The following GAL3ST1 variants were observed in gnomAD, a reference collection of about 807,000 sequenced individuals.
GAL3ST1 encodes galactosylceramide sulfotransferase.
In GAL3ST1, 13 loss-of-function variants were observed where a neutral mutation model predicts 25.0. The observed-to-expected ratio is 0.52, with a 90% CI of 0.34 to 0.83. The LOEUF (loss-of-function observed/expected upper bound fraction) is 0.83, where lower values mean the gene tolerates loss of function less well. Ranked by LOEUF, GAL3ST1 falls within the 40% of genes least tolerant of loss-of-function variation. The pLI is 0.02. For missense variants in GAL3ST1, 474 were observed against 613.6 expected, an observed-to-expected ratio of 0.77 and a Z score of 2.40; for synonymous variants, 274 against 277.8, an observed-to-expected ratio of 0.99 and a Z score of 0.14.
At chr22:30,563,353 T>G (rs2086509739) in intron 1 of GAL3ST1, 2 of 152,160 alleles carry the variant, frequency 1.3e-5, no homozygotes, top group South Asian at 4.1e-4. Context: ...TGGTGGCTCA[T>G]GCCTGTAATT....
At chr22:30,573,551 G>A (rs2086835370) in intron 1 of GAL3ST1, among the ~76,000 whole-genome samples, 1 of 152,226 alleles carries the variant, frequency 6.6e-6, no homozygotes, top group Admixed American at 6.5e-5. Context: ...CACCCCGTCA[G>A]TAAAGGAAGA....
intron 1 of GAL3ST1, among the ~76,000 whole-genome samples, chr22:30,564,558 C>T (rs1349509591): frequency 6.6e-6 from 1 of 152,220 alleles, no homozygotes; most frequent in African/African-American, 2.4e-5. Context: ...CCATCTATTC[C>T]TGCCCTTCTA....
intron 1 of GAL3ST1, among the ~76,000 whole-genome samples, chr22:30,561,103 C>T (rs1451888830): frequency 6.6e-6 from 1 of 152,192 alleles, no homozygotes; most frequent in Non-Finnish European, 1.5e-5. Flanking sequence ...CACCACCACA[C>T]TCAAGTAATT....
chr22:30,569,420 A>C (rs2086716658), intron 1 of GAL3ST1, among the ~76,000 whole-genome samples: 1 of 152,052 alleles, frequency 6.6e-6, no homozygotes, highest in African/African-American at 2.4e-5. Context: ...CTGTTGGGTG[A>C]CTGGCTGGCT....
intron 1 of GAL3ST1, among the ~76,000 whole-genome samples, chr22:30,561,655 G>C (rs1569002965): frequency 6.6e-6 from 1 of 152,306 alleles, no homozygotes; most frequent in East Asian, 1.9e-4. Flanking sequence ...AGGAGGGAAA[G>C]TTGCATTGCA....
At chr22:30,571,616 C>A (rs754538288) in intron 1 of GAL3ST1, among the ~76,000 whole-genome samples, 2 of 152,136 alleles carry the variant, frequency 1.3e-5, no homozygotes, top group Non-Finnish European at 2.9e-5. Context: ...GTAATCCCAG[C>A]ACTTTGGGAG....
At chr22:30,559,272 C>T (rs1278771289) in intron 1 of GAL3ST1, among the ~76,000 whole-genome samples, 3 of 152,094 alleles carry the variant, frequency 2.0e-5, no homozygotes, top group South Asian at 2.1e-4. Context: ...GACGGAGTCT[C>T]GCTCTGTCGC....
intron 1 of GAL3ST1, among the ~76,000 whole-genome samples, chr22:30,570,798 A>G (rs2086759109): frequency 6.6e-6 from 1 of 152,108 alleles, no homozygotes; most frequent in Non-Finnish European, 1.5e-5. Flanking sequence ...AAAAAAAAAA[A>G]AGAGTTGCCT....
intron 1 of GAL3ST1, among the ~76,000 whole-genome samples, chr22:30,565,723 G>T (rs763971528): frequency 1.3e-5 from 2 of 152,180 alleles, no homozygotes; most frequent in African/African-American, 2.4e-5. Flanking sequence ...TGGCAGAAGA[G>T]GCAGTTCTAG....
chr22:30,569,532 T>G (rs1319464948), intron 1 of GAL3ST1, among the ~76,000 whole-genome samples: 1 of 150,446 alleles, frequency 6.6e-6, no homozygotes, highest in African/African-American at 2.5e-5. Context: ...ACTCTGAGTC[T>G]GAGGGATGTT....
At chr22:30,567,797 C>T (rs1030457555) in intron 1 of GAL3ST1, among the ~76,000 whole-genome samples, 1 of 152,148 alleles carries the variant, frequency 6.6e-6, no homozygotes, top group South Asian at 2.1e-4. Context: ...AATTCTCCTG[C>T]CTCACCCTTC....
intron 1 of GAL3ST1, among the ~76,000 whole-genome samples, chr22:30,562,899 G>A (rs536272025): frequency 1.3e-5 from 2 of 152,170 alleles, no homozygotes; most frequent in African/African-American, 2.4e-5. Context: ...GGCAGATCAC[G>A]AGGTCAGGAG....
intron 3 of GAL3ST1, 40 bp from the exon 4 acceptor site, chr22:30,556,133 G>C (rs775034766): frequency 1.3e-6 from 2 of 1,507,642 alleles, no homozygotes; most frequent in Non-Finnish European, 1.8e-6. Context: ...TCAGGGGGGT[G>C]CTGGGGCCCT....
At chr22:30,561,381 T>A (rs1436993586) in intron 1 of GAL3ST1, among the ~76,000 whole-genome samples, 1 of 152,022 alleles carries the variant, frequency 6.6e-6, no homozygotes, top group Non-Finnish European at 1.5e-5. Context: ...GGGGCCTGCC[T>A]CTCCAGAGCA....
intron 1 of GAL3ST1, among the ~76,000 whole-genome samples, chr22:30,572,093 T>C (rs1045659233): frequency 6.6e-6 from 1 of 152,194 alleles, no homozygotes; most frequent in South Asian, 2.1e-4. Context: ...AGAGAAGCGC[T>C]AACTGGGGCG....
chr22:30,573,448 C>G (rs2086832378), intron 1 of GAL3ST1, among the ~76,000 whole-genome samples: 1 of 152,232 alleles, frequency 6.6e-6, no homozygotes, highest in African/African-American at 2.4e-5. Flanking sequence ...GGACAAGGAA[C>G]AGTGCGTACA....
At position 30,555,009 on chromosome 22, in the gene GAL3ST1, C is replaced by T; in HGVS notation, c.1216G>A (p.Ala406Thr). Residue 406 changes from alanine to threonine, a missense_variant, in exon 4 of 4, where the codon GCC becomes ACC. Physicochemically the swap from Ala to Thr is moderately conservative, Grantham distance 58 (BLOSUM62 0). Around this residue, in one of 2 missense-constraint regions of GAL3ST1, gnomAD observed 359 missense variants for 504.4 expected, o/e 0.71. Transcript: ENST00000406361. The surrounding 1 kb of genome is among the most constrained non-coding windows in gnomAD (Gnocchi z 8.6). ...CAGAGCTTGGTGACCCACAGGTTGG[C>T]GCCGAGGTCCATCAGGTACTGGATC... The part of the protein sequence containing the change: ...PEIQYLMDLG[A>T]NLWVTKLWKF... The T allele has an allele frequency of 6.3e-7, 1 of 1,599,706 alleles. No homozygotes were observed. The highest frequency in any genetic ancestry group is 8.5e-7 in the Non-Finnish European group (1 of 1,169,822).
Position 30,555,252 on chromosome 22 carries a change from C to T in GAL3ST1, c.973G>A (p.Glu325Lys), listed in dbSNP as rs1236186256. The T allele has an allele frequency of 6.3e-7, 1 of 1,599,544 alleles. No individual in the cohort carries two copies. Among genetic ancestry groups the T allele is most frequent in the Non-Finnish European group, 8.5e-7 (1 of 1,175,808 alleles). ...GCGGCCACCTCGCGGGCCATGCGCT[C>T]CCGCCCGAAGGCCTCCACCTTGCGC... ...FWRKVEAFGRERMAREVAALR... is the reference protein window; with the variant it reads ...FWRKVEAFGRKRMAREVAALR... The change falls in exon 4 of 4, where the codon GAG becomes AAG. Residue 325 changes from glutamate to lysine, a missense_variant. Physicochemically the swap from Glu to Lys is moderately conservative, Grantham distance 56. This residue lies in a region of GAL3ST1 where 359 missense variants were observed against 504.4 expected (regional missense o/e 0.71). Coordinates refer to ENST00000406361, the MANE Select transcript of GAL3ST1 (RefSeq NM_001318104.2). This position sits in a 1 kb window ranked among gnomAD's most constrained non-coding sequence, Gnocchi z 8.6.
chr22:30,569,075 C>CAAA (rs66507126), intron 1 of GAL3ST1, among the ~76,000 whole-genome samples: 4 of 86,174 alleles, frequency 4.6e-5, no homozygotes, highest in African/African-American at 8.9e-5. Flanking sequence ...GACTCCATCT[C>CAAA]AAAAAAAAAA....
Sources: gnomAD v4.1 joint callset for allele counts (sites outside exome capture counted in the v4.1 genomes callset) on GRCh38, gnomAD v4.1.1 for gene constraint, gnomAD v4.1.1 regional missense constraint, Gnocchi (gnomAD v3.1) non-coding constraint, MANE v1.5 for transcripts, NCBI Gene and HGNC (gene_info 2026-07-23, HGNC 2026-07-21) for gene names.